BCAR1: variants seen among roughly 807,000 people sequenced by gnomAD.
BCAR1 encodes the protein breast cancer anti-estrogen resistance protein 1.
Under a neutral mutation model 67.6 loss-of-function variants are expected in BCAR1, and 30 were observed. That is an observed-to-expected ratio of 0.44 (90% CI 0.33 to 0.60). The LOEUF is 0.60. Ranked by LOEUF, BCAR1 falls within the 20% of genes least tolerant of loss-of-function variation. The probability of loss-of-function intolerance (pLI) is 0.02; values close to 1 mark genes in which losing one functional copy is unlikely to be tolerated. For missense variants in BCAR1, 1,313 were observed against 1,222.3 expected (o/e 1.07, Z -1.11); for synonymous variants, 626 against 556.7 (o/e 1.12, Z -1.75).
upstream of BCAR1, chr16:75,251,677 T>C: frequency 1.0e-6 from 1 of 994,994 alleles, no homozygotes; most frequent in East Asian, 1.1e-4. Flanking sequence ...GATCCCAGCA[T>C]GCCCGGCCGC....
intron 1 of BCAR1, chr16:75,263,145 G>A: frequency 1.1e-6 from 1 of 938,668 alleles, no homozygotes; most frequent in East Asian, 1.2e-4. Context: ...CAACGAAGGG[G>A]CACAGGAGGA....
upstream of BCAR1, chr16:75,251,648 G>T: frequency 2.0e-6 from 2 of 998,126 alleles, no homozygotes; most frequent in Non-Finnish European, 2.4e-6. Context: ...CTGCCGCCAC[G>T]GCCCAGCCGG....
At chr16:75,260,688 C>T (rs2077888604) in intron 1 of BCAR1, among the ~76,000 whole-genome samples, 2 of 150,298 alleles carry the variant, frequency 1.3e-5, no homozygotes, top group African/African-American at 2.4e-5. Context: ...GCACATTTCA[C>T]GACATGTAAA....
Position 75,229,436 on chromosome 16 carries a change from G to C in BCAR1, c.*75C>G. 6.9e-7 allele frequency: 1 copy of C among 1,447,104 alleles called. No individual in the cohort carries two copies. Among genetic ancestry groups the C allele is most frequent in the Non-Finnish European group, 9.1e-7 (1 of 1,101,256 alleles). The allele number at this position is 1,447,104 out of a possible 1,614,324, so 89.6% of individuals were successfully genotyped here. A position where few individuals can be genotyped will look rare whatever the true frequency, so the allele number is the denominator to read the frequency against. ...GTCCTGTCCCTAAGCCTGTGGCACAGCGACTCTTGACATGGGAGCCAGGGA... is the reference window on the plus strand; with the variant it reads ...GTCCTGTCCCTAAGCCTGTGGCACACCGACTCTTGACATGGGAGCCAGGGA... On this transcript the variant is annotated 3_prime_UTR_variant, in exon 7 of 7. Transcript: ENST00000162330.
Position 75,235,833 on chromosome 16 carries a change from G to T in BCAR1, c.1066C>A (p.Pro356Thr), listed in dbSNP as rs753124358. ...ACGTCATACACGTCCTCGGCCGGCG[G>T]GGAGTCTGGAGGGGGCGCAGCCAGT... is the stretch of plus-strand genomic sequence containing the variant. ...LVLAAPPPDSPPAEDVYDVPP... is the reference protein window; with the variant it reads ...LVLAAPPPDSTPAEDVYDVPP... Residue 356 changes from proline to threonine, a missense_variant, in exon 5 of 7, where the codon CCG becomes ACG. Pro to Thr is a conservative substitution (Grantham distance 38). Coordinates refer to ENST00000162330, the MANE Select transcript of BCAR1 (RefSeq NM_014567.5). The T allele has an allele frequency of 7.0e-6, 11 of 1,576,232 alleles. No individual in the cohort carries two copies. In the African/African-American group the frequency reaches 1.5e-4, roughly 21 times the overall value.
At chr16:75,241,463 G>A (rs553166197) in intron 2 of BCAR1, among the ~76,000 whole-genome samples, 11 of 152,214 alleles carry the variant, frequency 7.2e-5, no homozygotes, top group Non-Finnish European at 1.3e-4. Context: ...CTCCCCAGGG[G>A]ATAACAGGAC....
At chr16:75,238,807 G>A (rs933909672) in intron 2 of BCAR1, 17 of 985,448 alleles carry the variant, frequency 1.7e-5, no homozygotes, top group Non-Finnish European at 1.8e-5. Flanking sequence ...TGCCAACAGC[G>A]GGGCAGGCGG....
chr16:75,230,558 A>G (rs1459010305), intron 6 of BCAR1, among the ~76,000 whole-genome samples: 2 of 152,232 alleles, frequency 1.3e-5, no homozygotes, highest in Non-Finnish European at 2.9e-5. Context: ...CAATGCCCCT[A>G]AATAGAACCT....
chr16:75,257,607 GC>G (rs2151474070), intron 1 of BCAR1, among the ~76,000 whole-genome samples: 1 of 152,212 alleles, frequency 6.6e-6, no homozygotes, highest in East Asian at 1.9e-4. Context: ...GGTGTGCACC[GC>G]CATGCCTGGC....
In BCAR1 at chr16:75,229,200, T is replaced by A. The variant is rs1005676495; in HGVS notation, c.*311A>T. 2.5e-5 allele frequency: 8 copies of A among 320,320 alleles called. No individual in the cohort carries two copies. The highest frequency in any genetic ancestry group is 4.0e-5 in the Non-Finnish European group (7 of 175,310). 19.8% of individuals were successfully genotyped at this position (320,320 alleles called of 1,614,324 possible). A position where few individuals can be genotyped will look rare whatever the true frequency, so the allele number is the denominator to read the frequency against. ...ACCCTCGTGGGACCAGGCTCAGCCCTCGGGGTGGCACGAGGTCCTGCAGGC... is the reference window on the plus strand; with the variant it reads ...ACCCTCGTGGGACCAGGCTCAGCCCACGGGGTGGCACGAGGTCCTGCAGGC... On this transcript the variant is annotated 3_prime_UTR_variant, in exon 7 of 7. Transcript: ENST00000162330.
chr16:75,245,320 G>A (rs1475355456), intron 1 of BCAR1, among the ~76,000 whole-genome samples: 1 of 152,224 alleles, frequency 6.6e-6, no homozygotes, highest in Non-Finnish European at 1.5e-5. Flanking sequence ...TGCCAGCAGA[G>A]TGAGTCACAG....
At position 75,242,708 on chromosome 16, in the gene BCAR1, C is replaced by G; in HGVS notation, c.395G>C (p.Gly132Ala). Reference sequence around the variant, plus strand: ...GGGAGACTGGAACTGAGGGCTGGGACCCGGGACTTGGTAGAGGCCTTGCTG... The same window carrying G: ...GGGAGACTGGAACTGAGGGCTGGGAGCCGGGACTTGGTAGAGGCCTTGCTG... ...KAQQGLYQVPGPSPQFQSPPA... is the reference protein window; with the variant it reads ...KAQQGLYQVPAPSPQFQSPPA... Residue 132 changes from glycine to alanine, a missense_variant, in exon 2 of 7, where the codon GGT becomes GCT. By Grantham distance (60) the Gly-to-Ala change is moderately conservative. Coordinates refer to ENST00000162330, the MANE Select transcript of BCAR1 (RefSeq NM_014567.5). 6.4e-7 allele frequency: 1 copy of G among 1,555,932 alleles called. No individual in the cohort carries two copies. The highest frequency in any genetic ancestry group is 8.7e-7 in the Non-Finnish European group (1 of 1,152,626).
At chr16:75,254,794 C>T (rs2151468174), upstream of BCAR1, among the ~76,000 whole-genome samples, 1 of 152,282 alleles carries the variant, frequency 6.6e-6, no homozygotes, top group African/African-American at 2.4e-5. Context: ...AGGGATGTCT[C>T]CAACCCCTCA....
intron 1 of BCAR1, chr16:75,249,000 T>G (rs1398539042): frequency 1.3e-5 from 2 of 152,340 alleles, no homozygotes. Context: ...AGCCAGGGCA[T>G]CCCAGGCACT....
chr16:75,236,067 C>CAG, intron 4 of BCAR1, 81 bp from the exon 5 acceptor site: 1 of 1,478,378 alleles, frequency 6.8e-7, no homozygotes, highest in Non-Finnish European at 9.0e-7. Flanking sequence ...CAGCCACACA[C>CAG]ACACACACAC....
At chr16:75,263,178 C>G in intron 1 of BCAR1, 1 of 983,840 alleles carries the variant, frequency 1.0e-6, no homozygotes, top group Non-Finnish European at 1.2e-6. Context: ...ACACTCACTT[C>G]ACAGATGGGA....
intron 1 of BCAR1, chr16:75,248,070 A>G (rs1022515851): frequency 1.3e-6 from 2 of 1,573,924 alleles, no homozygotes; most frequent in Non-Finnish European, 1.7e-6. Flanking sequence ...CTTACTAGAC[A>G]GGAAAACCAA....
At chr16:75,266,078 A>G in intron 1 of BCAR1, 2 of 1,008,326 alleles carry the variant, frequency 2.0e-6, no homozygotes, top group Middle Eastern at 9.8e-4. Context: ...CCCCGGACCT[A>G]GGCCTTTTTC....
At chr16:75,234,004 G>A (rs2151398321) in intron 5 of BCAR1, 69 bp from the exon 6 acceptor site, 3 of 1,485,608 alleles carry the variant, frequency 2.0e-6, no homozygotes, top group East Asian at 4.9e-5. Context: ...CAGCCCTGTG[G>A]CGGGCGCAGT....
Sources: gnomAD v4.1 joint callset for allele counts (sites outside exome capture counted in the v4.1 genomes callset) on GRCh38, gnomAD v4.1.1 for gene constraint, MANE v1.5 for transcripts, NCBI Gene and HGNC (gene_info 2026-07-23, HGNC 2026-07-21) for gene names.